SORCS2: variants seen among roughly 807,000 people sequenced by gnomAD.
SORCS2 encodes VPS10 domain-containing receptor SorCS2.
SORCS2 carries 100 observed loss-of-function variants against 141.6 expected under a neutral mutation model. The observed-to-expected ratio is 0.71, with a 90% CI of 0.60 to 0.83. The LOEUF is 0.83. Among genes scored for constraint, SORCS2 ranks in the 40% least tolerant of loss-of-function variants. The probability of loss-of-function intolerance (pLI) is 0.00; values close to 1 mark genes in which losing one functional copy is unlikely to be tolerated. For synonymous variants in SORCS2, 789 were observed against 676.9 expected, an observed-to-expected ratio of 1.17 and a Z score of -2.57; for missense variants, 1,646 against 1,560.2, an observed-to-expected ratio of 1.05 and a Z score of -0.93.
At chr4:7,470,383 ATCTATCCT>A (rs1235748219) in intron 2 of SORCS2, among the ~76,000 whole-genome samples, 111 of 151,548 alleles carry the variant, frequency 7.3e-4, no homozygotes, top group African/African-American at 2.3e-3. Context: ...CCATCCATCC[ATCTATCCT>A]TCCATCCATC....
At chr4:7,687,041 T>G (rs1723923222) in intron 10 of SORCS2, among the ~76,000 whole-genome samples, 1 of 152,170 alleles carries the variant, frequency 6.6e-6, no homozygotes, top group Non-Finnish European at 1.5e-5. Flanking sequence ...AGCAGCACCC[T>G]CTAATTCAAC....
intron 2 of SORCS2, among the ~76,000 whole-genome samples, chr4:7,510,503 A>G (rs1001122034): frequency 2.1e-4 from 23 of 111,716 alleles, no homozygotes; most frequent in Non-Finnish European, 3.6e-4. Context: ...CCCAGAGGAC[A>G]GCGGCCATGG....
intron 3 of SORCS2, among the ~76,000 whole-genome samples, chr4:7,624,799 T>C (rs1204403838): frequency 2.0e-5 from 3 of 152,252 alleles, no homozygotes; most frequent in African/African-American, 4.8e-5. Context: ...CTTTTTAGCA[T>C]TGTCTGCAAA....
At chr4:7,737,324 A>T in intron 26 of SORCS2, 152 bp downstream of exon 26, 1 of 1,047,230 alleles carries the variant, frequency 9.5e-7, no homozygotes. Context: ...GGTCGGGCCC[A>T]CTGTGTCCCC....
intron 4 of SORCS2, among the ~76,000 whole-genome samples, chr4:7,652,539 C>G (rs890483557): frequency 6.6e-6 from 1 of 152,068 alleles, no homozygotes; most frequent in Non-Finnish European, 1.5e-5. Context: ...GGAGTGGGCT[C>G]CCTGAGTATC....
At chr4:7,725,825 C>T (rs1004621405) in intron 20 of SORCS2, among the ~76,000 whole-genome samples, 3 of 152,210 alleles carry the variant, frequency 2.0e-5, no homozygotes, top group African/African-American at 7.2e-5. Context: ...AGCAAACAGC[C>T]CAGCACCACC....
chr4:7,321,033 C>A (rs1337479685), intron 1 of SORCS2, among the ~76,000 whole-genome samples: 1 of 152,030 alleles, frequency 6.6e-6, no homozygotes, highest in Admixed American at 6.6e-5. Context: ...TTTATCAGCA[C>A]CCCTCACCTG....
intron 1 of SORCS2, among the ~76,000 whole-genome samples, chr4:7,347,145 A>G (rs1300247915): frequency 6.6e-6 from 1 of 152,188 alleles, no homozygotes; most frequent in Non-Finnish European, 1.5e-5. Context: ...GAGTTGGGAC[A>G]ATGCCTTTGC....
chr4:7,208,019 C>G (rs1560111563), intron 1 of SORCS2, among the ~76,000 whole-genome samples: 1 of 152,028 alleles, frequency 6.6e-6, no homozygotes, highest in African/African-American at 2.4e-5. Context: ...GGCGCCTTCT[C>G]CCAGGATCCC....
At chr4:7,708,088 G>C (rs776070293) in intron 14 of SORCS2, among the ~76,000 whole-genome samples, 1 of 152,204 alleles carries the variant, frequency 6.6e-6, no homozygotes, top group Non-Finnish European at 1.5e-5. Flanking sequence ...CCCAGGAAAT[G>C]ACATTTCCCT....
intron 1 of SORCS2, among the ~76,000 whole-genome samples, chr4:7,329,197 G>A (rs1285847782): frequency 1.3e-5 from 2 of 152,158 alleles, no homozygotes; most frequent in South Asian, 2.1e-4. Flanking sequence ...TAGGGGCTCC[G>A]AATGGCCCAC....
chr4:7,714,495 G>A (rs1195761557), intron 16 of SORCS2, 122 bp downstream of exon 16: 5 of 1,073,336 alleles, frequency 4.7e-6, no homozygotes, highest in Admixed American at 2.5e-5. Context: ...TGGTGTCACA[G>A]TCGCACACTG....
intron 2 of SORCS2, among the ~76,000 whole-genome samples, chr4:7,415,538 A>G (rs1178039623): frequency 6.6e-6 from 1 of 152,216 alleles, no homozygotes; most frequent in Non-Finnish European, 1.5e-5. Flanking sequence ...ATAATCTAGG[A>G]TAATCTTCCC....
intron 1 of SORCS2, among the ~76,000 whole-genome samples, chr4:7,329,196 C>T (rs1411288033): frequency 1.3e-5 from 2 of 152,134 alleles, no homozygotes; most frequent in Non-Finnish European, 2.9e-5. Context: ...GTAGGGGCTC[C>T]GAATGGCCCA....
At chr4:7,486,955 A>T (rs573595158) in intron 2 of SORCS2, among the ~76,000 whole-genome samples, 1 of 152,218 alleles carries the variant, frequency 6.6e-6, no homozygotes, top group Non-Finnish European at 1.5e-5. Context: ...TGGGATGTGG[A>T]CAGGTCTTTT....
intron 1 of SORCS2, among the ~76,000 whole-genome samples, chr4:7,395,012 C>T (rs1724115493): frequency 6.6e-6 from 1 of 152,212 alleles, no homozygotes; most frequent in African/African-American, 2.4e-5. Flanking sequence ...CCCCACTCCT[C>T]GGAGGGACCT....
chr4:7,547,604 A>G (rs1713358689), intron 3 of SORCS2, among the ~76,000 whole-genome samples: 1 of 152,106 alleles, frequency 6.6e-6, no homozygotes, highest in Non-Finnish European at 1.5e-5. Flanking sequence ...TTTGTGGCCA[A>G]TTCCTGTTTA....
At chr4:7,348,620 C>T (rs138842021) in intron 1 of SORCS2, among the ~76,000 whole-genome samples, 153 of 152,302 alleles carry the variant, frequency 1.0e-3, no homozygotes, top group African/African-American at 3.6e-3. Flanking sequence ...GGCGCAATCT[C>T]GGCTCACTGC....
At chr4:7,546,516 G>T (rs1256077748) in intron 3 of SORCS2, among the ~76,000 whole-genome samples, 2 of 152,128 alleles carry the variant, frequency 1.3e-5, no homozygotes, top group East Asian at 3.9e-4. Context: ...ACAATAAATG[G>T]TGCTGTCCTT....
Sources: gnomAD v4.1 joint callset for allele counts (sites outside exome capture counted in the v4.1 genomes callset) on GRCh38, gnomAD v4.1.1 for gene constraint, MANE v1.5 for transcripts, NCBI Gene and HGNC (gene_info 2026-07-23, HGNC 2026-07-21) for gene names.